The following BRINP3 variants were observed in gnomAD, a reference collection of about 807,000 sequenced individuals.
The protein encoded by BRINP3 is BMP/retinoic acid-inducible neural-specific protein 3.
In BRINP3, 19 loss-of-function variants were observed where a neutral mutation model predicts 71.0. The ratio of observed to expected loss-of-function variants is 0.27; its 90% confidence interval spans 0.19 to 0.39. BRINP3 has a LOEUF of 0.39. Among genes scored for constraint, BRINP3 ranks in the 10% least tolerant of loss-of-function variants. BRINP3 has a pLI of 1.00. For synonymous variants in BRINP3, 380 were observed against 337.7 expected (o/e 1.13, Z -1.37); for missense variants, 959 against 940.8 (o/e 1.02, Z -0.25).
rs761406886 is a variant in BRINP3, at chr1:190,226,246, T to C, written c.797A>G (p.Asn266Ser). Residue 266 changes from asparagine (N) to serine (S), a missense_variant, in exon 6 of 8, where the codon AAT becomes AGT. Physicochemically the swap from Asn to Ser is conservative, Grantham distance 46. Coordinates refer to ENST00000367462, the MANE Select transcript of BRINP3 (RefSeq NM_199051.3). The part of the protein sequence containing the change: ...VQAALSYIAC[N>S]SEGEFICKEN... ...CTTGCAGATAAACTCTCCCTCTGAA[T>C]TGCAAGCAATGTAGCTCAAAGCTGC... The C allele has an allele frequency of 1.2e-6, 2 of 1,612,450 alleles. No homozygotes were observed. Among genetic ancestry groups the C allele is most frequent in the Admixed American group, 1.7e-5 (1 of 59,772 alleles).
chr1:190,098,500 A>G lies in BRINP3; in HGVS notation c.1819T>C (p.Cys607Arg). 1 of 1,614,126 alleles carries G rather than the reference A, an allele frequency of 6.2e-7. No homozygotes were observed. The highest frequency in any genetic ancestry group is 8.5e-7 in the Non-Finnish European group (1 of 1,180,022). The change falls in exon 8 of 8, where the codon TGT becomes CGT. Residue 607 changes from cysteine to arginine, a missense_variant. Physicochemically the swap from Cys to Arg is radical, Grantham distance 180. Coordinates refer to ENST00000367462, the MANE Select transcript of BRINP3 (RefSeq NM_199051.3). ...CCCAGAGTTAATGTCCAGTTATAAC[A>G]CTGCAGGGGTAGGTCCAACTTAGTC... ...ERTKLDLPLQCYNWTLTLGNK... is the reference protein window; with the variant it reads ...ERTKLDLPLQRYNWTLTLGNK...
intron 2 of BRINP3, among the ~76,000 whole-genome samples, chr1:190,395,513 C>A (rs114219453): frequency 6.6e-6 from 1 of 151,528 alleles, no homozygotes; most frequent in Non-Finnish European, 1.5e-5. Flanking sequence ...GTCTTTGAAC[C>A]CAGTAAATAA....
chr1:190,412,912 GGA>G (rs781185166), intron 2 of BRINP3, among the ~76,000 whole-genome samples: 33 of 151,898 alleles, frequency 2.2e-4, no homozygotes, highest in African/African-American at 5.3e-4. Context: ...AAGAAGAAAG[GGA>G]GAGAGAGAAA....
Position 190,296,249 on chromosome 1 carries a change from A to G in BRINP3, c.237-14499T>C, listed in dbSNP as rs544525185. On this transcript the variant is annotated intron_variant, in intron 2 of 7. Transcript: ENST00000367462. ...ATTAAAAATTAAAAAAAAACATGGGATGTAAGGATGATTTGATATACATGG... is the reference window on the plus strand; with the variant it reads ...ATTAAAAATTAAAAAAAAACATGGGGTGTAAGGATGATTTGATATACATGG... 1.2e-3 allele frequency among the ~76,000 whole-genome samples: 179 copies of G among 152,012 alleles called. 1 individual carries two copies. Among genetic ancestry groups the G allele is most frequent in the South Asian group, 1.9e-3 (9 of 4,824 alleles).
At chr1:190,473,477 A>G (rs1404703120) in intron 1 of BRINP3, among the ~76,000 whole-genome samples, 1 of 151,752 alleles carries the variant, frequency 6.6e-6, no homozygotes, top group Non-Finnish European at 1.5e-5. Flanking sequence ...ACAATTTCTT[A>G]GAGAAGAGAA....
intron 2 of BRINP3, among the ~76,000 whole-genome samples, chr1:190,442,001 C>T (rs1279305702): frequency 1.3e-5 from 2 of 152,026 alleles, no homozygotes; most frequent in Non-Finnish European, 2.9e-5. Context: ...TGAGTAGATA[C>T]ATTTTAATGT....
chr1:190,369,259 C>T (rs1558224916), intron 2 of BRINP3, among the ~76,000 whole-genome samples: 1 of 151,990 alleles, frequency 6.6e-6, no homozygotes, highest in Non-Finnish European at 1.5e-5. Flanking sequence ...AATAGGTAAT[C>T]TCTAGAGTTG....
chr1:190,348,040 C>A (rs1321741115), intron 2 of BRINP3, among the ~76,000 whole-genome samples: 1 of 151,882 alleles, frequency 6.6e-6, no homozygotes, highest in Non-Finnish European at 1.5e-5. Context: ...AGACTTAAAC[C>A]TAGGAAGCAT....
At chr1:190,310,677 C>G (rs1031989489) in intron 2 of BRINP3, among the ~76,000 whole-genome samples, 1 of 151,602 alleles carries the variant, frequency 6.6e-6, no homozygotes, top group Admixed American at 6.6e-5. Context: ...TACTCAATCT[C>G]CCTCCCTTTC....
At chr1:190,256,483 T>A (rs980354997) in intron 4 of BRINP3, among the ~76,000 whole-genome samples, 3 of 152,218 alleles carry the variant, frequency 2.0e-5, no homozygotes, top group African/African-American at 7.2e-5. Context: ...TTAGCCCATT[T>A]ATATTTAAGG....
intron 2 of BRINP3, among the ~76,000 whole-genome samples, chr1:190,328,173 C>T (rs979291430): frequency 6.6e-6 from 1 of 151,976 alleles, no homozygotes; most frequent in Middle Eastern, 3.4e-3. Flanking sequence ...CAAAGTGACC[C>T]CAAAGCTAGC....
At chr1:190,124,747 T>C (rs185781080) in intron 7 of BRINP3, among the ~76,000 whole-genome samples, 20 of 152,110 alleles carry the variant, frequency 1.3e-4, no homozygotes, top group Middle Eastern at 3.4e-3. Context: ...ATGTGCAAAA[T>C]TGATGTAAAA....
chr1:190,340,862 A>G (rs1019185540), intron 2 of BRINP3, among the ~76,000 whole-genome samples: 5 of 151,710 alleles, frequency 3.3e-5, no homozygotes, highest in African/African-American at 4.8e-5. Context: ...TGTAGAGAAT[A>G]CTCTATGTGA....
intron 6 of BRINP3, among the ~76,000 whole-genome samples, chr1:190,177,036 T>G (rs1652575192): frequency 6.6e-6 from 1 of 152,150 alleles, no homozygotes; most frequent in South Asian, 2.1e-4. Context: ...TGCAGATGAC[T>G]GTATTACCAC....
At chr1:190,279,068 T>A (rs1028517958) in intron 3 of BRINP3, among the ~76,000 whole-genome samples, 17 of 151,778 alleles carry the variant, frequency 1.1e-4, no homozygotes, top group Non-Finnish European at 2.9e-5. Flanking sequence ...ATATATTTTA[T>A]CTTCTGAAAT....
At chr1:190,397,108 T>G (rs2102336496) in intron 2 of BRINP3, among the ~76,000 whole-genome samples, 1 of 151,936 alleles carries the variant, frequency 6.6e-6, no homozygotes, top group East Asian at 1.9e-4. Context: ...GACTCAAAAT[T>G]TAGATAGATT....
intron 6 of BRINP3, among the ~76,000 whole-genome samples, chr1:190,166,520 G>A (rs1462445362): frequency 6.6e-6 from 1 of 152,020 alleles, no homozygotes; most frequent in Non-Finnish European, 1.5e-5. Flanking sequence ...AACTACGGAG[G>A]GATTGGGTGT....
intron 2 of BRINP3, among the ~76,000 whole-genome samples, chr1:190,434,437 G>T (rs1315342017): frequency 6.6e-6 from 1 of 151,972 alleles, no homozygotes; most frequent in East Asian, 1.9e-4. Context: ...AGGTTTCTTT[G>T]TTGTTCTTTT....
At chr1:190,117,830 G>A (rs1258528190) in intron 7 of BRINP3, among the ~76,000 whole-genome samples, 1 of 151,954 alleles carries the variant, frequency 6.6e-6, no homozygotes, top group African/African-American at 2.4e-5. Context: ...TCATCATGTA[G>A]TTACATCACT....
Sources: gnomAD v4.1 joint callset for allele counts (sites outside exome capture counted in the v4.1 genomes callset) on GRCh38, gnomAD v4.1.1 for gene constraint, MANE v1.5 for transcripts, NCBI Gene and HGNC (gene_info 2026-07-23, HGNC 2026-07-21) for gene names.